COL19A1: variants seen among roughly 807,000 people sequenced by gnomAD.
The protein encoded by COL19A1 is collagen type XIX alpha 1 chain.
COL19A1 carries 159 observed loss-of-function variants against 190.2 expected under a neutral mutation model. The observed-to-expected ratio is 0.84, with a 90% CI of 0.73 to 0.95. The LOEUF (loss-of-function observed/expected upper bound fraction) is 0.95, where lower values mean the gene tolerates loss of function less well. Among genes scored for constraint, COL19A1 ranks in the 40% least tolerant of loss-of-function variants. The pLI is 0.00. For synonymous variants in COL19A1, 509 were observed against 458.9 expected (o/e 1.11, Z -1.39); for missense variants, 1,418 against 1,431.9 (o/e 0.99, Z 0.16).
At chr6:69,897,596 CTTCAGTTA>C (rs1318139175) in intron 2 of COL19A1, among the ~76,000 whole-genome samples, 16 of 151,954 alleles carry the variant, frequency 1.1e-4, no homozygotes, top group South Asian at 4.1e-4. Context: ...TTGTTTATCC[CTTCAGTTA>C]TTTAGGTCTT....
At chr6:70,168,856 A>G (rs1002088969) in intron 40 of COL19A1, among the ~76,000 whole-genome samples, 175 bp downstream of exon 40, 2 of 152,196 alleles carry the variant, frequency 1.3e-5, no homozygotes, top group Non-Finnish European at 2.9e-5. Flanking sequence ...TCTGAGATGC[A>G]TTAGTCCTGA....
chr6:70,184,773 T>C (rs1311823856), intron 45 of COL19A1, 35 bp downstream of exon 45: 1 of 1,601,780 alleles, frequency 6.2e-7, no homozygotes, highest in Admixed American at 1.7e-5. Flanking sequence ...AAAGTTATAA[T>C]GCATACTGCA....
At chr6:70,076,603 A>G (rs771830095) in intron 15 of COL19A1, among the ~76,000 whole-genome samples, 17 of 152,082 alleles carry the variant, frequency 1.1e-4, no homozygotes, top group Non-Finnish European at 1.8e-4. Context: ...TTTTTTTCTC[A>G]GGAGAGCAAT....
chr6:70,114,751 T>C (rs1784469577), intron 16 of COL19A1, among the ~76,000 whole-genome samples: 1 of 152,168 alleles, frequency 6.6e-6, no homozygotes, highest in African/African-American at 2.4e-5. Context: ...TTAAAGTCTT[T>C]ATAGAGAAAC....
intron 1 of COL19A1, among the ~76,000 whole-genome samples, chr6:69,873,720 C>A (rs1374306949): frequency 6.6e-6 from 1 of 152,198 alleles, no homozygotes; most frequent in African/African-American, 2.4e-5. Context: ...GCCTTAAAGA[C>A]CCCACCTCTT....
chr6:69,887,877 G>A (rs974804487), intron 2 of COL19A1, among the ~76,000 whole-genome samples: 1 of 152,230 alleles, frequency 6.6e-6, no homozygotes, highest in Non-Finnish European at 1.5e-5. Flanking sequence ...GATGGGCCAG[G>A]CTCCTCCCGC....
chr6:70,027,970 T>C (rs542127401), intron 12 of COL19A1, among the ~76,000 whole-genome samples: 1 of 152,250 alleles, frequency 6.6e-6, no homozygotes, highest in African/African-American at 2.4e-5. Flanking sequence ...AGTTTCTTTA[T>C]TTGCACCATG....
intron 34 of COL19A1, among the ~76,000 whole-genome samples, chr6:70,161,629 A>G (rs892988521): frequency 1.2e-4 from 19 of 152,164 alleles, no homozygotes; most frequent in Admixed American, 2.0e-4. Context: ...TACAGTGTAC[A>G]CTACTTGGGT....
At chr6:69,907,576 T>C (rs1770647361) in intron 4 of COL19A1, among the ~76,000 whole-genome samples, 1 of 152,240 alleles carries the variant, frequency 6.6e-6, no homozygotes, top group South Asian at 2.1e-4. Context: ...TTATGTTCAA[T>C]CATTGTTTTC....
chr6:69,869,668 G>T (rs1284293308), intron 1 of COL19A1, among the ~76,000 whole-genome samples: 1 of 152,156 alleles, frequency 6.6e-6, no homozygotes, highest in Non-Finnish European at 1.5e-5. Flanking sequence ...CAGAGCAAGA[G>T]AATTGTAATC....
intron 18 of COL19A1, among the ~76,000 whole-genome samples, chr6:70,132,122 A>G (rs1462829408): frequency 6.6e-6 from 1 of 152,156 alleles, no homozygotes; most frequent in Non-Finnish European, 1.5e-5. Flanking sequence ...AACAAAAATT[A>G]CAGGTGGTAG....
At chr6:70,020,973 C>T (rs1003353297) in intron 11 of COL19A1, among the ~76,000 whole-genome samples, 4 of 152,030 alleles carry the variant, frequency 2.6e-5, no homozygotes, top group Non-Finnish European at 5.9e-5. Flanking sequence ...CTATTCTTTA[C>T]CCTGAAGGGC....
chr6:69,979,558 A>G (rs1009873748), intron 11 of COL19A1, among the ~76,000 whole-genome samples: 4 of 151,938 alleles, frequency 2.6e-5, no homozygotes, highest in Non-Finnish European at 5.9e-5. Flanking sequence ...GGGCAAAAAT[A>G]GATTAGAAAT....
intron 46 of COL19A1, among the ~76,000 whole-genome samples, chr6:70,187,741 G>A (rs1368285786): frequency 6.6e-6 from 1 of 152,008 alleles, no homozygotes; most frequent in African/African-American, 2.4e-5. Flanking sequence ...TCAAGTGACA[G>A]CTGGTATTGA....
intron 14 of COL19A1, among the ~76,000 whole-genome samples, chr6:70,044,679 C>A (rs1779813040): frequency 6.6e-6 from 1 of 152,094 alleles, no homozygotes; most frequent in African/African-American, 2.4e-5. Flanking sequence ...AACATACATT[C>A]TCTCTCTCTT....
At chr6:70,150,288 C>A (rs1416687140) in intron 30 of COL19A1, among the ~76,000 whole-genome samples, 6 of 152,092 alleles carry the variant, frequency 3.9e-5, no homozygotes, top group Non-Finnish European at 8.8e-5. Flanking sequence ...CCAGGCTGAG[C>A]CTTGGCATAT....
chr6:70,117,834 G>A (rs1784667960), intron 16 of COL19A1, among the ~76,000 whole-genome samples: 1 of 152,190 alleles, frequency 6.6e-6, no homozygotes, highest in Non-Finnish European at 1.5e-5. Flanking sequence ...GTACAATCAT[G>A]TTGTGGGTCA....
Position 70,023,679 on chromosome 6 carries a change from A to G in COL19A1, c.1079A>G (p.Asn360Ser), listed in dbSNP as rs1778573674. The G allele has an allele frequency of 3.7e-6, 6 of 1,610,046 alleles. No individual in the cohort carries two copies. Among genetic ancestry groups the G allele is most frequent in the Admixed American group, 3.4e-5 (2 of 59,266 alleles). The change falls in exon 12 of 51, where the codon AAT (asparagine) becomes AGT (serine). Residue 360 changes from asparagine (N) to serine (S), a missense_variant and splice_region_variant. Physicochemically the swap from Asn to Ser is conservative, Grantham distance 46. Transcript: ENST00000620364. ...GCTCTGGCTGGCCTTAATGGAGAAA[A>G]TGTAAGCCTAACTCTTTTTTCTGAT... ...DPALAGLNGE[N>S]GLKGDLGPHG...
At chr6:69,869,550 A>G (rs1767689852) in intron 1 of COL19A1, among the ~76,000 whole-genome samples, 2 of 149,904 alleles carry the variant, frequency 1.3e-5, no homozygotes. Context: ...GAGCCCTTCA[A>G]ATTGAAAAAA....
Sources: allele counts gnomAD v4.1 joint callset (sites outside exome capture counted in the v4.1 genomes callset), GRCh38; gene constraint gnomAD v4.1.1; transcripts MANE v1.5; gene names NCBI Gene and HGNC (gene_info 2026-07-23, HGNC 2026-07-21).